The following B4GALNT2 variants were observed in gnomAD, a reference collection of about 807,000 sequenced individuals.
B4GALNT2 encodes N-acetylneuraminylgalactosylglucosyl-glucoside beta-1,4-N- acetylgalactosaminyltransferase 2.
Under a neutral mutation model 51.1 loss-of-function variants are expected in B4GALNT2, and 42 were observed. The observed-to-expected ratio is 0.82, with a 90% CI of 0.64 to 1.06. The LOEUF is 1.06. Ranked by LOEUF, B4GALNT2 falls within the 50% of genes least tolerant of loss-of-function variation. The probability of loss-of-function intolerance (pLI) is 0.00; values close to 1 mark genes in which losing one functional copy is unlikely to be tolerated. For synonymous variants in B4GALNT2, 253 were observed against 251.7 expected (o/e 1.01, Z -0.05); for missense variants, 602 against 633.6 (o/e 0.95, Z 0.54).
Position 49,142,186 on chromosome 17 carries a change from T to G in B4GALNT2, c.353+14T>G. 1 of 1,613,898 alleles carries G rather than the reference T, an allele frequency of 6.2e-7. No individual in the cohort carries two copies. Among genetic ancestry groups the G allele is most frequent in the South Asian group, 1.1e-5 (1 of 91,068 alleles). On this transcript the variant is annotated intron_variant, in intron 3 of 10. Transcript: ENST00000393354. ...CTTTCAGAGGAGGTAATGCGGGTCA[T>G]GAAGGCCCTTGGGTTCTGAGATGGA...
the B4GALNT2 span, among the ~76,000 whole-genome samples, chr17:49,126,746 C>T: frequency 6.6e-6 from 1 of 150,404 alleles, no homozygotes; most frequent in Admixed American, 6.7e-5. Flanking sequence ...TTGCAGTCTC[C>T]ACCTCCTGGG....
At position 49,164,763 on chromosome 17, in the gene B4GALNT2, A is replaced by G. The variant is rs139229692; in HGVS notation, c.954+488A>G. Among the ~76,000 whole-genome samples the G allele has an allele frequency of 3.9e-4, 59 of 151,444 alleles. 1 individual carries two copies. The East Asian group carries it at 0.012, about 30-fold the overall frequency. On this transcript the variant is annotated intron_variant, in intron 8 of 10. Coordinates refer to ENST00000393354, the MANE Select transcript of B4GALNT2 (RefSeq NM_001159387.2). Reference sequence around the variant, plus strand: ...TGATCCGCCTATCTTGGCCTCCCAAAGTTTACAGATGTGAGCCATCACACC... The same window carrying G: ...TGATCCGCCTATCTTGGCCTCCCAAGGTTTACAGATGTGAGCCATCACACC...
chr17:49,176,274 T>C lies in B4GALNT2; in HGVS notation c.*6546T>C, dbSNP rs2042987664. 6.6e-6 allele frequency: 1 copy of C among 152,042 alleles called. No homozygotes were observed. The highest frequency in any genetic ancestry group is 2.4e-5 in the African/African-American group (1 of 41,376). The allele number at this position is 152,042 out of a possible 1,614,324, so 9.4% of individuals were successfully genotyped here. On this transcript the variant is annotated 3_prime_UTR_variant, in exon 11 of 11. Coordinates refer to ENST00000393354, the MANE Select transcript of B4GALNT2 (RefSeq NM_001159387.2). ...GGAATTAAAGACACACACACAGAAA[T>C]ATAGAGTGTGGAGTGGGAAATCAGG... is the stretch of plus-strand genomic sequence containing the variant.
chr17:49,142,008 T>C, intron 2 of B4GALNT2, 27 bp from the exon 3 acceptor site: 1 of 1,613,338 alleles, frequency 6.2e-7, no homozygotes, highest in South Asian at 1.1e-5. Context: ...ACCCAATCCA[T>C]GTTTACAGTC....
At chr17:49,156,712 C>A in intron 5 of B4GALNT2, 109 bp downstream of exon 5, 1 of 1,281,618 alleles carries the variant, frequency 7.8e-7, no homozygotes, top group Middle Eastern at 1.9e-4. Context: ...CAAGGTCAGA[C>A]ATGAGCCCAA....
At chr17:49,149,995 G>A (rs1567859864) in intron 3 of B4GALNT2, among the ~76,000 whole-genome samples, 1 of 152,096 alleles carries the variant, frequency 6.6e-6, no homozygotes, top group Non-Finnish European at 1.5e-5. Flanking sequence ...TGTTCCATAT[G>A]TTCATTGCCA....
intron 3 of B4GALNT2, among the ~76,000 whole-genome samples, chr17:49,151,035 G>A (rs1003021884): frequency 3.0e-4 from 45 of 151,724 alleles, no homozygotes; most frequent in African/African-American, 1.1e-3. Flanking sequence ...GCTTAAACTG[G>A]GTCCCGAAGG....
At chr17:49,167,200 G>A (rs902382184) in intron 9 of B4GALNT2, among the ~76,000 whole-genome samples, 1 of 152,210 alleles carries the variant, frequency 6.6e-6, no homozygotes, top group Non-Finnish European at 1.5e-5. Flanking sequence ...TGGCAGCTGA[G>A]TTGGCTCCAG....
intron 9 of B4GALNT2, among the ~76,000 whole-genome samples, chr17:49,168,238 G>T (rs1598218374): frequency 6.6e-6 from 1 of 152,140 alleles, no homozygotes; most frequent in East Asian, 1.9e-4. Context: ...AGCTCCAAGA[G>T]GTAAGCCAGG....
chr17:49,139,845 G>A (rs566356763), intron 1 of B4GALNT2, among the ~76,000 whole-genome samples: 25 of 151,884 alleles, frequency 1.6e-4, no homozygotes, highest in Admixed American at 5.2e-4. Flanking sequence ...TTGTCAGAAC[G>A]TATGATCTGA....
At chr17:49,161,275 G>GA (rs5820749) in intron 7 of B4GALNT2, among the ~76,000 whole-genome samples, 133,736 of 139,480 alleles carry the variant, frequency 0.96, 64,195 homozygotes, top group East Asian at 1. Flanking sequence ...ACTCTGTCTT[G>GA]AAAAAAAAAA....
At chr17:49,140,345 C>T (rs1022733349) in intron 1 of B4GALNT2, among the ~76,000 whole-genome samples, 6 of 152,146 alleles carry the variant, frequency 3.9e-5, no homozygotes, top group Admixed American at 3.3e-4. Flanking sequence ...CGTGATCCAC[C>T]CGCCTTGGCC....
rs1030196934 is a variant in B4GALNT2, at chr17:49,174,302, C to A, written c.*4574C>A. 1 of 152,058 alleles carries A rather than the reference C, an allele frequency of 6.6e-6. No homozygotes were observed. Among genetic ancestry groups the A allele is most frequent in the Admixed American group, 6.5e-5 (1 of 15,270 alleles). The allele number at this position is 152,058 out of a possible 1,614,324, so 9.4% of individuals were successfully genotyped here. A position where few individuals can be genotyped will look rare whatever the true frequency, so the allele number is the denominator to read the frequency against. On this transcript the variant is annotated 3_prime_UTR_variant, in exon 11 of 11. Transcript: ENST00000393354. ...TTTATGAGTAGGTTCAATTGTTTGC[C>A]CTACATAAGTCTGGCAAATTGTTGG...
In B4GALNT2 at chr17:49,170,539, G is replaced by A. The variant is rs945433217; in HGVS notation, c.*811G>A. On this transcript the variant is annotated 3_prime_UTR_variant, in exon 11 of 11. Transcript: ENST00000393354. ...TGGTGACAAGCCACTAAACTCCAGG[G>A]ACCTGAGGCCAGTTGCTGGTCACTC... The A allele has an allele frequency of 6.6e-6, 1 of 151,834 alleles. No individual in the cohort carries two copies. The highest frequency in any genetic ancestry group is 1.5e-5 in the Non-Finnish European group (1 of 67,974). The allele number at this position is 151,834 out of a possible 1,614,324, so 9.4% of individuals were successfully genotyped here.
At position 49,176,307 on chromosome 17, in the gene B4GALNT2, C is replaced by T. The variant is rs530098463; in HGVS notation, c.*6579C>T. 9.3e-4 allele frequency: 142 copies of T among 152,358 alleles called. 1 individual carries two copies. The highest frequency in any genetic ancestry group is 3.3e-3 in the African/African-American group (139 of 41,578). 9.4% of individuals were successfully genotyped at this position (152,358 alleles called of 1,614,324 possible). A position where few individuals can be genotyped will look rare whatever the true frequency, so the allele number is the denominator to read the frequency against. On this transcript the variant is annotated 3_prime_UTR_variant, in exon 11 of 11. Coordinates refer to ENST00000393354, the MANE Select transcript of B4GALNT2 (RefSeq NM_001159387.2). ...GTGGAGTGGGAAATCAGGGGACTCA[C>T]AGCCTTCAGAGCTGAAAGCCCCGAA...
At chr17:49,126,660 T>C in the B4GALNT2 span, among the ~76,000 whole-genome samples, 2 of 147,432 alleles carry the variant, frequency 1.4e-5, no homozygotes, top group Non-Finnish European at 3.0e-5. Context: ...CTTTTTTTTT[T>C]TTTTTTTTGA....
chr17:49,130,032 A>G (rs2042529251), upstream of B4GALNT2, among the ~76,000 whole-genome samples: 1 of 152,216 alleles, frequency 6.6e-6, no homozygotes, highest in African/African-American at 2.4e-5. Context: ...TAGCTCTGCC[A>G]GGCAGAAACC....
chr17:49,147,482 C>T (rs574812127), intron 3 of B4GALNT2, among the ~76,000 whole-genome samples: 2 of 151,726 alleles, frequency 1.3e-5, no homozygotes, highest in South Asian at 4.2e-4. Context: ...TCAAGGGATC[C>T]TCCCACCTCA....
rs747086997 is a variant in B4GALNT2 at position 49,170,649 on chromosome 17, G to A, written c.*921G>A. 2.0e-5 allele frequency: 3 copies of A among 152,284 alleles called. No homozygotes were observed. Among genetic ancestry groups the A allele is most frequent in the Non-Finnish European group, 2.9e-5 (2 of 68,080 alleles). 9.4% of individuals were successfully genotyped at this position (152,284 alleles called of 1,614,324 possible). A position where few individuals can be genotyped will look rare whatever the true frequency, so the allele number is the denominator to read the frequency against. ...GTTGCCTGGGGGTTGGCAGATTGCC[G>A]AGACCAGCTTGGTCATGGAGACCCT... is the stretch of plus-strand genomic sequence containing the variant. On this transcript the variant is annotated 3_prime_UTR_variant, in exon 11 of 11. Transcript: ENST00000393354.
Sources: allele counts gnomAD v4.1 joint callset (sites outside exome capture counted in the v4.1 genomes callset), GRCh38; gene constraint gnomAD v4.1.1; transcripts MANE v1.5; gene names NCBI Gene and HGNC (gene_info 2026-07-23, HGNC 2026-07-21).